The following PRSS23 variants were observed in gnomAD, a reference collection of about 807,000 sequenced individuals.
PRSS23 encodes the protein serine protease 23, also known as protease, serine 23.
A neutral mutation model predicts 34.7 loss-of-function variants in PRSS23; 25 were observed. The observed-to-expected ratio is 0.72, with a 90% CI of 0.53 to 1.01. PRSS23 has a LOEUF of 1.01. Among genes scored for constraint, PRSS23 ranks in the 50% least tolerant of loss-of-function variants. The pLI, the probability that PRSS23 is intolerant of heterozygous loss-of-function variation, is 0.00. For synonymous variants in PRSS23, 176 were observed against 186.6 expected, an observed-to-expected ratio of 0.94 and a Z score of 0.46; for missense variants, 445 against 475.6, an observed-to-expected ratio of 0.94 and a Z score of 0.60.
intron 2 of PRSS23, among the ~76,000 whole-genome samples, chr11:86,836,212 G>A (rs1948404307): frequency 6.6e-6 from 1 of 152,114 alleles, no homozygotes; most frequent in South Asian, 2.1e-4. Context: ...CTGTCCGTTG[G>A]GTTTCTGTAC....
chr11:86,838,403 A>T (rs1298681192), intron 2 of PRSS23, among the ~76,000 whole-genome samples: 1 of 152,124 alleles, frequency 6.6e-6, no homozygotes, highest in African/African-American at 2.4e-5. Context: ...CTGCAGCTTG[A>T]TGGGGAGAGG....
intron 2 of PRSS23, among the ~76,000 whole-genome samples, chr11:86,942,411 T>C (rs1331904243): frequency 6.6e-6 from 1 of 152,176 alleles, no homozygotes; most frequent in African/African-American, 2.4e-5. Flanking sequence ...TTCCACCCAT[T>C]TACCTCATAT....
At position 86,833,230 on chromosome 11, in the gene PRSS23, G is replaced by A. The variant is rs1334156435; in HGVS notation, c.206+9637G>A. Reference sequence around the variant, plus strand: ...GATGTCCACAATCATCTTGGGGACCGTGTTGGAGGTGAAACCGATGTCAGC... The same window carrying A: ...GATGTCCACAATCATCTTGGGGACCATGTTGGAGGTGAAACCGATGTCAGC... On this transcript the variant is annotated intron_variant, in intron 2 of 2. Coordinates refer to the PRSS23 transcript ENST00000533902. 42 of 1,527,762 alleles carry A rather than the reference G, an allele frequency of 2.7e-5. 1 individual carries two copies. The highest frequency in any genetic ancestry group is 1.7e-4 in the Admixed American group (10 of 59,466). The allele number at this position is 1,527,762 out of a possible 1,614,324, so 94.6% of individuals were successfully genotyped here.
intron 2 of PRSS23, among the ~76,000 whole-genome samples, chr11:86,848,036 G>A (rs1948500681): frequency 6.6e-6 from 1 of 152,212 alleles, no homozygotes. Context: ...CGTAAACTCC[G>A]AGAGCCAGGC....
chr11:86,797,412 T>C (rs1326730629), upstream of PRSS23, among the ~76,000 whole-genome samples: 2 of 152,254 alleles, frequency 1.3e-5, no homozygotes, highest in Non-Finnish European at 2.9e-5. Context: ...CCTCTCATTT[T>C]ACTCTTGGTA....
chr11:86,917,405 T>A (rs956542594), intron 2 of PRSS23, among the ~76,000 whole-genome samples: 4 of 152,216 alleles, frequency 2.6e-5, no homozygotes, highest in Admixed American at 2.6e-4. Context: ...AATGTTAAGA[T>A]CTGATAAGTC....
At chr11:86,836,651 C>T (rs542644044) in intron 2 of PRSS23, among the ~76,000 whole-genome samples, 126 of 152,192 alleles carry the variant, frequency 8.3e-4, no homozygotes, top group African/African-American at 3.0e-3. Flanking sequence ...CAGGACCCCT[C>T]GAATAGTGAC....
intron 2 of PRSS23, chr11:86,947,354 C>A (rs1259628983): frequency 1.3e-5 from 2 of 152,850 alleles, no homozygotes; most frequent in Admixed American, 1.3e-4. Flanking sequence ...TGAGTCTATT[C>A]CTCTAGGGCT....
chr11:86,948,041 G>A (rs1949258244), intron 2 of PRSS23: 2 of 151,916 alleles, frequency 1.3e-5, no homozygotes, highest in African/African-American at 4.9e-5. Context: ...CCATGTCCTT[G>A]TGGCCTACTC....
chr11:86,827,182 G>A (rs962933625), intron 2 of PRSS23, among the ~76,000 whole-genome samples: 8 of 152,176 alleles, frequency 5.3e-5, no homozygotes, highest in African/African-American at 1.9e-4. Context: ...CCTGTTATTG[G>A]TCTATACAGA....
chr11:86,827,577 T>A (rs1338533830), intron 2 of PRSS23, among the ~76,000 whole-genome samples: 1 of 152,214 alleles, frequency 6.6e-6, no homozygotes, highest in African/African-American at 2.4e-5. Flanking sequence ...TTCTTTTAAT[T>A]GTGATGTTCG....
chr11:86,830,099 G>GGCT (rs1300817752), intron 2 of PRSS23, among the ~76,000 whole-genome samples: 1 of 152,186 alleles, frequency 6.6e-6, no homozygotes, highest in East Asian at 1.9e-4. Flanking sequence ...CAGAGGTGGA[G>GGCT]CCTACAGAGG....
At chr11:86,793,910 A>G (rs1413523528) in intron 1 of PRSS23, among the ~76,000 whole-genome samples, 2 of 152,178 alleles carry the variant, frequency 1.3e-5, no homozygotes, top group East Asian at 3.8e-4. Context: ...AACATAAGAT[A>G]TAATTTTAAT....
chr11:86,857,459 A>G (rs1209655897), intron 2 of PRSS23: 8 of 387,554 alleles, frequency 2.1e-5, no homozygotes, highest in Non-Finnish European at 4.0e-5. Flanking sequence ...AGAAGTTGAG[A>G]TGGGTCACAG....
chr11:86,851,452 C>T (rs567867399), intron 2 of PRSS23, among the ~76,000 whole-genome samples: 11 of 152,258 alleles, frequency 7.2e-5, no homozygotes, highest in African/African-American at 2.6e-4. Context: ...CTACCAGGAA[C>T]CCCCAAAGGG....
At chr11:86,863,419 A>G (rs1277940279) in intron 2 of PRSS23, among the ~76,000 whole-genome samples, 1 of 152,160 alleles carries the variant, frequency 6.6e-6, no homozygotes, top group Admixed American at 6.5e-5. Context: ...CAGAGGATAC[A>G]GGAAATGCCC....
intron 2 of PRSS23, among the ~76,000 whole-genome samples, chr11:86,915,137 C>T (rs949278194): frequency 2.6e-5 from 4 of 152,034 alleles, no homozygotes; most frequent in East Asian, 1.9e-4. Context: ...TTGGAAAACC[C>T]GAATTTTACT....
chr11:86,800,586 C>T lies in PRSS23; in HGVS notation c.-79C>T, dbSNP rs1014025492. On this transcript the variant is annotated 5_prime_UTR_variant, in exon 1 of 2. Coordinates refer to ENST00000280258, the MANE Select transcript of PRSS23 (RefSeq NM_007173.6). ...GGCAGGCATGGGAGCCGCGCGCTCT[C>T]TCCCGGCGCCCACACCTGTCTGAGC... 6 of 984,936 alleles carry T rather than the reference C, an allele frequency of 6.1e-6. No individual in the cohort carries two copies. The highest frequency in any genetic ancestry group is 1.1e-4 in the East Asian group (1 of 8,800). The allele number at this position is 984,936 out of a possible 1,614,324, so 61.0% of individuals were successfully genotyped here.
rs1374558231 is a variant in PRSS23, at chr11:86,879,889, C to T, written c.206+56296C>T. ...GGTGAGGGGCGCCTCTGCCCGGCCGCCCCTACTGGGAAGTGAGGAGCCCCT... is the reference window on the plus strand; with the variant it reads ...GGTGAGGGGCGCCTCTGCCCGGCCGTCCCTACTGGGAAGTGAGGAGCCCCT... On this transcript the variant is annotated intron_variant, in intron 2 of 2. Coordinates refer to the PRSS23 transcript ENST00000533902. Among the ~76,000 whole-genome samples the T allele has an allele frequency of 3.2e-3, 487 of 150,286 alleles. 1 individual carries two copies. The highest frequency in any genetic ancestry group is 6.8e-3 in the Middle Eastern group (2 of 294).
Sources: allele counts gnomAD v4.1 joint callset (sites outside exome capture counted in the v4.1 genomes callset), GRCh38; gene constraint gnomAD v4.1.1; transcripts MANE v1.5; gene names NCBI Gene and HGNC (gene_info 2026-07-23, HGNC 2026-07-21).